The following CCDC178 variants were observed in gnomAD, a reference collection of about 807,000 sequenced individuals.
CCDC178 encodes coiled-coil domain-containing protein 178.
In CCDC178, 126 loss-of-function variants were observed where a neutral mutation model predicts 117.4. The observed-to-expected ratio is 1.07, with a 90% CI of 0.93 to 1.24. CCDC178 has a LOEUF of 1.24. Ranked by LOEUF, CCDC178 falls within the 50% of genes most tolerant of loss-of-function variation. The pLI is 0.00. For missense variants in CCDC178, 1,030 were observed against 986.9 expected (o/e 1.04, Z -0.59); for synonymous variants, 283 against 313.4 (o/e 0.90, Z 1.02).
At chr18:33,227,579 T>TAC (rs1309554505) in intron 15 of CCDC178, among the ~76,000 whole-genome samples, 6,976 of 66,938 alleles carry the variant, frequency 0.1, 231 homozygotes, top group Non-Finnish European at 0.12. Flanking sequence ...TATATATATA[T>TAC]ACACACACAC....
chr18:33,375,419 C>A (rs2063351181), intron 5 of CCDC178, among the ~76,000 whole-genome samples: 1 of 152,064 alleles, frequency 6.6e-6, no homozygotes, highest in Non-Finnish European at 1.5e-5. Flanking sequence ...GAGCTCCTTG[C>A]AAAAATGTAC....
chr18:32,946,169 G>T (rs1384552177), intron 22 of CCDC178, among the ~76,000 whole-genome samples: 2 of 152,124 alleles, frequency 1.3e-5, no homozygotes, highest in Admixed American at 1.3e-4. Context: ...GCTCATCAGA[G>T]GCCCTCAAAT....
intron 15 of CCDC178, among the ~76,000 whole-genome samples, chr18:33,231,087 A>G (rs984842155): frequency 1.3e-5 from 2 of 152,248 alleles, no homozygotes; most frequent in African/African-American, 2.4e-5. Context: ...CTTATTAATT[A>G]CAATGGGGAA....
intron 21 of CCDC178, among the ~76,000 whole-genome samples, chr18:33,042,431 T>A (rs2056566012): frequency 6.6e-6 from 1 of 151,916 alleles, no homozygotes; most frequent in Non-Finnish European, 1.5e-5. Context: ...GTATACTCTA[T>A]AACTGGCTTG....
At chr18:33,203,406 A>T (rs912873073) in intron 20 of CCDC178, among the ~76,000 whole-genome samples, 5 of 152,076 alleles carry the variant, frequency 3.3e-5, no homozygotes, top group Non-Finnish European at 7.4e-5. Context: ...TATGCAGTAA[A>T]TTATAACTGC....
At chr18:33,190,470 G>C (rs2058843805) in intron 20 of CCDC178, among the ~76,000 whole-genome samples, 1 of 152,134 alleles carries the variant, frequency 6.6e-6, no homozygotes, top group South Asian at 2.1e-4. Context: ...ATTTTTATGA[G>C]TTGGTTGTTT....
At chr18:33,192,824 C>T (rs1033113872) in intron 20 of CCDC178, among the ~76,000 whole-genome samples, 5 of 150,210 alleles carry the variant, frequency 3.3e-5, no homozygotes, top group African/African-American at 1.2e-4. Flanking sequence ...TCTCTTGAAC[C>T]CGGGAGGCGG....
At chr18:33,320,177 T>C (rs1459233623) in intron 11 of CCDC178, among the ~76,000 whole-genome samples, 5 of 152,192 alleles carry the variant, frequency 3.3e-5, no homozygotes, top group Non-Finnish European at 1.5e-5. Flanking sequence ...CTTTGAAAAC[T>C]GGCACAAGAC....
intron 21 of CCDC178, among the ~76,000 whole-genome samples, chr18:32,991,677 C>T (rs1354661292): frequency 2.0e-5 from 3 of 152,180 alleles, no homozygotes; most frequent in African/African-American, 7.2e-5. Context: ...CATGCTGTCT[C>T]GGGCTGGTCC....
At chr18:33,371,661 A>G (rs2063301563) in intron 5 of CCDC178, among the ~76,000 whole-genome samples, 1 of 151,994 alleles carries the variant, frequency 6.6e-6, no homozygotes, top group Admixed American at 6.6e-5. Context: ...GCTCCTTCAT[A>G]ATATCAGTGC....
chr18:33,317,933 T>A (rs2062442748), intron 11 of CCDC178, among the ~76,000 whole-genome samples: 1 of 152,086 alleles, frequency 6.6e-6, no homozygotes, highest in African/African-American at 2.4e-5. Flanking sequence ...ATAATCTCAT[T>A]TCCATGCTAA....
intron 4 of CCDC178, among the ~76,000 whole-genome samples, chr18:33,391,002 T>C (rs974225522): frequency 6.6e-6 from 1 of 151,196 alleles, no homozygotes; most frequent in African/African-American, 2.4e-5. Flanking sequence ...AGTAAGTTTA[T>C]AGCAAAAATA....
intron 22 of CCDC178, among the ~76,000 whole-genome samples, chr18:32,971,697 C>T (rs756756006): frequency 3.9e-5 from 6 of 152,150 alleles, no homozygotes; most frequent in Non-Finnish European, 5.9e-5. Flanking sequence ...GGTTTCCTGA[C>T]TTTTTAATAA....
At chr18:32,959,115 A>G (rs768527826) in intron 22 of CCDC178, among the ~76,000 whole-genome samples, 18 of 152,170 alleles carry the variant, frequency 1.2e-4, no homozygotes, top group Non-Finnish European at 2.9e-5. Flanking sequence ...TTTATGTCTT[A>G]TATTTGACTG....
At chr18:33,036,807 G>T (rs1366754950) in intron 21 of CCDC178, among the ~76,000 whole-genome samples, 2 of 151,878 alleles carry the variant, frequency 1.3e-5, no homozygotes, top group African/African-American at 4.8e-5. Flanking sequence ...TTTGATAAAG[G>T]CTAAGACAAG....
intron 14 of CCDC178, among the ~76,000 whole-genome samples, chr18:33,260,019 C>T (rs1263918849): frequency 6.6e-6 from 1 of 151,808 alleles, no homozygotes; most frequent in Non-Finnish European, 1.5e-5. Flanking sequence ...AATGTGAATA[C>T]ACCAGTACCA....
At chr18:33,350,424 T>C (rs2062960016) in intron 7 of CCDC178, among the ~76,000 whole-genome samples, 1 of 152,156 alleles carries the variant, frequency 6.6e-6, no homozygotes, top group Non-Finnish European at 1.5e-5. Flanking sequence ...ATGCTACTTA[T>C]TAAGCAGTCT....
intron 14 of CCDC178, among the ~76,000 whole-genome samples, chr18:33,264,741 C>T (rs1367400404): frequency 6.6e-6 from 1 of 151,996 alleles, no homozygotes; most frequent in Non-Finnish European, 1.5e-5. Context: ...ATGTGACTTG[C>T]TTTGTTCAAA....
At chr18:32,962,566 A>G (rs2054726267) in intron 22 of CCDC178, among the ~76,000 whole-genome samples, 1 of 152,032 alleles carries the variant, frequency 6.6e-6, no homozygotes, top group South Asian at 2.1e-4. Flanking sequence ...TTCTTTCAGC[A>G]GTTTGAGATA....
Sources: gnomAD v4.1 joint callset for allele counts (sites outside exome capture counted in the v4.1 genomes callset) on GRCh38, gnomAD v4.1.1 for gene constraint, MANE v1.5 for transcripts, NCBI Gene and HGNC (gene_info 2026-07-23, HGNC 2026-07-21) for gene names.